Variants in CNTNAP2 observed in about 807,000 individuals in gnomAD.
The protein encoded by CNTNAP2 is contactin-associated protein-like 2.
A neutral mutation model predicts 155.2 loss-of-function variants in CNTNAP2; 98 were observed. The ratio of observed to expected loss-of-function variants is 0.63; its 90% CI spans 0.54 to 0.75. CNTNAP2 has a LOEUF of 0.75. Ranked by LOEUF, CNTNAP2 falls within the 30% of genes least tolerant of loss-of-function variation. The pLI is 0.00. For synonymous variants in CNTNAP2, 651 were observed against 631.2 expected (o/e 1.03, Z -0.47); for missense variants, 1,727 against 1,688.1 (o/e 1.02, Z -0.40).
At chr7:146,608,707 C>T (rs1423439078) in intron 1 of CNTNAP2, among the ~76,000 whole-genome samples, 1 of 152,060 alleles carries the variant, frequency 6.6e-6, no homozygotes, top group Non-Finnish European at 1.5e-5. Context: ...TTCTTCTGAT[C>T]AATTGTATAT....
chr7:147,161,628 C>CTCTCTG (rs1166085142), intron 8 of CNTNAP2: 1 of 151,864 alleles, frequency 6.6e-6, no homozygotes. Flanking sequence ...AGTATTCTCT[C>CTCTCTG]TCTCATAGGG....
intron 1 of CNTNAP2, among the ~76,000 whole-genome samples, chr7:146,302,980 A>G (rs955072063): frequency 1.3e-5 from 2 of 152,158 alleles, no homozygotes; most frequent in Non-Finnish European, 2.9e-5. Flanking sequence ...TGGTAGAAAC[A>G]GGTAAGTACA....
intron 11 of CNTNAP2, among the ~76,000 whole-genome samples, chr7:147,523,331 G>T (rs1041435905): frequency 6.6e-6 from 1 of 152,156 alleles, no homozygotes; most frequent in African/African-American, 2.4e-5. Context: ...GAGAGAGAAT[G>T]AATGCACAAA....
At chr7:146,745,478 C>T (rs2129181615) in intron 1 of CNTNAP2, among the ~76,000 whole-genome samples, 1 of 152,004 alleles carries the variant, frequency 6.6e-6, no homozygotes, top group East Asian at 1.9e-4. Flanking sequence ...CTGACTTTGC[C>T]ATCTTAAAAG....
chr7:147,861,193 A>C (rs1199167728), intron 13 of CNTNAP2, among the ~76,000 whole-genome samples: 1 of 152,212 alleles, frequency 6.6e-6, no homozygotes, highest in Admixed American at 6.5e-5. Flanking sequence ...TTTCTGTCAA[A>C]GCAGGAATAC....
At chr7:146,871,104 C>T (rs1795296271) in intron 3 of CNTNAP2, among the ~76,000 whole-genome samples, 1 of 152,134 alleles carries the variant, frequency 6.6e-6, no homozygotes, top group South Asian at 2.1e-4. Context: ...GACACATCTA[C>T]CAGCAAAGCA....
At position 148,192,448 on chromosome 7, in the gene CNTNAP2, A is replaced by T. The variant is rs1795213566; in HGVS notation, c.3010+19970A>T. Among the ~76,000 whole-genome samples the T allele has an allele frequency of 3.3e-5, 5 of 152,178 alleles. No individual in the cohort carries two copies. The South Asian group carries it at 1.0e-3, about 32-fold the overall frequency. On this transcript the variant is annotated intron_variant, in intron 18 of 23. Coordinates refer to ENST00000361727, the MANE Select transcript of CNTNAP2 (RefSeq NM_014141.6). ...AATACCACATTAAAATGATTACAGAAAAACGCAAGCAAAAATATAATAAAG... is the reference window on the plus strand; with the variant it reads ...AATACCACATTAAAATGATTACAGATAAACGCAAGCAAAAATATAATAAAG...
chr7:147,321,006 T>C (rs1795341939), intron 9 of CNTNAP2, among the ~76,000 whole-genome samples: 1 of 152,234 alleles, frequency 6.6e-6, no homozygotes, highest in Non-Finnish European at 1.5e-5. Context: ...AGTCTTCTAA[T>C]CTATTTTCTT....
chr7:146,619,571 G>C (rs1799284204), intron 1 of CNTNAP2, among the ~76,000 whole-genome samples: 1 of 152,058 alleles, frequency 6.6e-6, no homozygotes, highest in Non-Finnish European at 1.5e-5. Flanking sequence ...TCTGAAAATA[G>C]TAATATAAGA....
chr7:148,109,266 T>C (rs987968531), intron 15 of CNTNAP2, among the ~76,000 whole-genome samples: 1 of 152,254 alleles, frequency 6.6e-6, no homozygotes, highest in African/African-American at 2.4e-5. Context: ...GGTTCCACTG[T>C]TATTCTGTTC....
intron 17 of CNTNAP2, among the ~76,000 whole-genome samples, chr7:148,156,927 A>T (rs367950041): frequency 6.6e-6 from 1 of 152,146 alleles, no homozygotes; most frequent in Non-Finnish European, 1.5e-5. Context: ...CCTCAAATGC[A>T]GCTGAGGCAG....
intron 20 of CNTNAP2, among the ~76,000 whole-genome samples, chr7:148,265,398 C>A (rs570116433): frequency 2.0e-5 from 3 of 151,960 alleles, no homozygotes; most frequent in Admixed American, 2.0e-4. Flanking sequence ...CTCAGCCTCT[C>A]GAGTAGCTGT....
intron 11 of CNTNAP2, among the ~76,000 whole-genome samples, chr7:147,524,893 T>C (rs1054288260): frequency 2.0e-5 from 3 of 152,192 alleles, no homozygotes; most frequent in Non-Finnish European, 4.4e-5. Context: ...TTTCTACTGG[T>C]TCAGTTTCTA....
intron 13 of CNTNAP2, among the ~76,000 whole-genome samples, chr7:147,863,773 G>GT (rs1191984079): frequency 0.014 from 1,447 of 104,854 alleles, 29 homozygotes; most frequent in East Asian, 0.1. Flanking sequence ...TTTTTGATGG[G>GT]GTTGTTTTTT....
intron 1 of CNTNAP2, among the ~76,000 whole-genome samples, chr7:146,622,481 C>T (rs1799343606): frequency 6.6e-6 from 1 of 151,942 alleles, no homozygotes; most frequent in South Asian, 2.1e-4. Context: ...ATATGCATAT[C>T]TATAAATTTC....
At chr7:147,531,595 C>A (rs1286870978) in intron 11 of CNTNAP2, among the ~76,000 whole-genome samples, 3 of 152,178 alleles carry the variant, frequency 2.0e-5, no homozygotes, top group Non-Finnish European at 4.4e-5. Context: ...CCCTAGGCTG[C>A]ACGTAGCACG....
At chr7:146,334,457 C>G (rs1801241063) in intron 1 of CNTNAP2, among the ~76,000 whole-genome samples, 2 of 148,770 alleles carry the variant, frequency 1.3e-5, no homozygotes, top group African/African-American at 4.9e-5. Flanking sequence ...AGCATCCAAT[C>G]AGTCTCCAAC....
intron 1 of CNTNAP2, among the ~76,000 whole-genome samples, chr7:146,755,382 A>G (rs952486309): frequency 1.3e-5 from 2 of 152,022 alleles, no homozygotes; most frequent in Non-Finnish European, 2.9e-5. Flanking sequence ...CACATCACCA[A>G]TTGTGCCACT....
chr7:146,590,591 G>T (rs1055693124), intron 1 of CNTNAP2, among the ~76,000 whole-genome samples: 1 of 152,140 alleles, frequency 6.6e-6, no homozygotes, highest in African/African-American at 2.4e-5. Context: ...AACTATTTGA[G>T]TGCCACCATG....
Sources: gnomAD v4.1 joint callset for allele counts (sites outside exome capture counted in the v4.1 genomes callset) on GRCh38, gnomAD v4.1.1 for gene constraint, MANE v1.5 for transcripts, NCBI Gene and HGNC (gene_info 2026-07-23, HGNC 2026-07-21) for gene names.